LY96: variants seen among roughly 807,000 people sequenced by gnomAD.
The protein encoded by LY96 is lymphocyte antigen 96.
LY96 carries 18 observed loss-of-function variants against 18.9 expected under a neutral mutation model. That is an observed-to-expected ratio of 0.95 (90% CI 0.66 to 1.41). LY96 has a LOEUF of 1.41. LY96 is among the 40% of genes most tolerant of loss of function. The pLI is 0.00. For missense variants in LY96, 175 were observed against 182.4 expected (o/e 0.96, Z 0.23); for synonymous variants, 66 against 62.6 (o/e 1.06, Z -0.26).
chr8:74,091,856 C>T, the LY96 span, among the ~76,000 whole-genome samples: 1 of 152,188 alleles, frequency 6.6e-6, no homozygotes, highest in East Asian at 1.9e-4. Context: ...CTTCCTCCCT[C>T]AAGCCTTCCT....
At chr8:74,060,012 A>C in the LY96 span, among the ~76,000 whole-genome samples, 4 of 152,118 alleles carry the variant, frequency 2.6e-5, no homozygotes, top group Admixed American at 2.6e-4. Context: ...GGTGGTGTGC[A>C]CGAGTGGTCC....
At chr8:74,062,032 A>T in the LY96 span, among the ~76,000 whole-genome samples, 2 of 152,162 alleles carry the variant, frequency 1.3e-5, no homozygotes, top group Non-Finnish European at 2.9e-5. Flanking sequence ...TGTAACCACT[A>T]CTCAAGCTAA....
Position 74,026,793 on chromosome 8 carries a change from T to C in LY96, c.336T>C (p.Thr112=). ...TATTTTATATTTTGTTTGCAGAGAC[T>C]GTGAATACAACAATATCATTCTCCT... ...YSFCRALKGE[T]VNTTISFSFK... The change falls in exon 4 of 5, where the codon ACT becomes ACC. Residue 112 remains threonine (T), a synonymous_variant. Transcript: ENST00000284818. 6.5e-7 allele frequency: 1 copy of C among 1,531,268 alleles called. No homozygotes were observed. The highest frequency in any genetic ancestry group is 9.0e-7 in the Non-Finnish European group (1 of 1,105,352). The allele number at this position is 1,531,268 out of a possible 1,614,324, so 94.9% of individuals were successfully genotyped here.
the LY96 span, among the ~76,000 whole-genome samples, chr8:74,042,487 C>A: frequency 2.1e-4 from 32 of 152,204 alleles, no homozygotes; most frequent in South Asian, 4.6e-3. Flanking sequence ...TCGTTCACTC[C>A]AGCCTGGGTG....
chr8:74,074,059 G>A, the LY96 span, among the ~76,000 whole-genome samples: 4 of 152,070 alleles, frequency 2.6e-5, no homozygotes, highest in East Asian at 5.8e-4. Flanking sequence ...GTGCAGTGGC[G>A]CAATCTCAGC....
intron 1 of LY96, among the ~76,000 whole-genome samples, chr8:73,995,974 A>G (rs1373330268): frequency 6.6e-6 from 1 of 152,030 alleles, no homozygotes; most frequent in African/African-American, 2.4e-5. Context: ...AAGATGCAAA[A>G]ATGGAGAAGC....
chr8:74,053,103 C>T, the LY96 span, among the ~76,000 whole-genome samples: 24 of 152,170 alleles, frequency 1.6e-4, no homozygotes, highest in Non-Finnish European at 2.6e-4. Context: ...TCTGTAGTCC[C>T]TATTTCAGCA....
intron 1 of LY96, among the ~76,000 whole-genome samples, chr8:73,998,220 G>T (rs1816191092): frequency 6.6e-6 from 1 of 152,116 alleles, no homozygotes; most frequent in Admixed American, 6.6e-5. Flanking sequence ...CAAATGTTAG[G>T]ACCAAAAATT....
At chr8:74,041,677 AGT>A in the LY96 span, among the ~76,000 whole-genome samples, 1 of 152,176 alleles carries the variant, frequency 6.6e-6, no homozygotes, top group Non-Finnish European at 1.5e-5. Flanking sequence ...GATCTCCTGC[AGT>A]ATCCTCAGGC....
chr8:74,073,194 T>G, the LY96 span, among the ~76,000 whole-genome samples: 4 of 152,124 alleles, frequency 2.6e-5, no homozygotes, highest in Non-Finnish European at 5.9e-5. Context: ...GCCTGGGTCC[T>G]TTATCGAGAA....
intron 4 of LY96, among the ~76,000 whole-genome samples, chr8:74,028,146 T>G (rs1431140834): frequency 6.6e-6 from 1 of 152,224 alleles, no homozygotes; most frequent in South Asian, 2.1e-4. Context: ...ATATTTAACT[T>G]AACCACTCAG....
At chr8:74,067,403 T>C in the LY96 span, among the ~76,000 whole-genome samples, 2 of 152,144 alleles carry the variant, frequency 1.3e-5, no homozygotes, top group African/African-American at 4.8e-5. Context: ...TTTTTTATTT[T>C]TTGTAAAGAT....
At chr8:74,077,207 A>G in the LY96 span, among the ~76,000 whole-genome samples, 2 of 152,192 alleles carry the variant, frequency 1.3e-5, no homozygotes, top group African/African-American at 2.4e-5. Flanking sequence ...AAGCTCATCA[A>G]ATCTCATTGT....
intron 1 of LY96, among the ~76,000 whole-genome samples, chr8:74,002,708 A>G (rs1304085438): frequency 6.6e-6 from 1 of 151,636 alleles, no homozygotes; most frequent in Non-Finnish European, 1.5e-5. Context: ...AGTAGCTAGG[A>G]TTACAGGCAC....
At chr8:74,056,330 C>T in the LY96 span, 1 of 339,856 alleles carries the variant, frequency 2.9e-6, no homozygotes, top group Non-Finnish European at 5.6e-6. Context: ...ATGCTCAGCA[C>T]CAACAGGTCT....
the LY96 span, among the ~76,000 whole-genome samples, chr8:74,076,417 G>A: frequency 6.6e-6 from 1 of 151,486 alleles, no homozygotes; most frequent in African/African-American, 2.4e-5. Context: ...TCCGCCTCCC[G>A]GGTTCAGGTG....
At chr8:74,081,067 A>T in the LY96 span, among the ~76,000 whole-genome samples, 5,202 of 52,254 alleles carry the variant, frequency 0.1, 209 homozygotes, top group African/African-American at 0.19. Context: ...TTTCTTTCTT[A>T]CTTTCTTTCT....
the LY96 span, among the ~76,000 whole-genome samples, chr8:74,074,516 T>C: frequency 3.3e-5 from 5 of 152,166 alleles, no homozygotes; most frequent in African/African-American, 1.2e-4. Flanking sequence ...TTATTTCTTT[T>C]CTTCTACTAA....
At chr8:74,004,952 G>A (rs1586650645) in intron 2 of LY96, 67 bp downstream of exon 2, 1 of 1,497,472 alleles carries the variant, frequency 6.7e-7, no homozygotes, top group East Asian at 2.3e-5. Flanking sequence ...ATAAATGATT[G>A]TGTTTCAAAT....
Sources: gnomAD v4.1 joint callset for allele counts (sites outside exome capture counted in the v4.1 genomes callset) on GRCh38, gnomAD v4.1.1 for gene constraint, MANE v1.5 for transcripts, NCBI Gene and HGNC (gene_info 2026-07-23, HGNC 2026-07-21) for gene names.